Variants in PTPRG observed in about 807,000 individuals in gnomAD.
PTPRG encodes the protein receptor-type tyrosine-protein phosphatase gamma.
Under a neutral mutation model 165.3 loss-of-function variants are expected in PTPRG, and 102 were observed. The observed-to-expected ratio is 0.62, with a 90% CI of 0.53 to 0.73. The LOEUF is 0.73. Ranked by LOEUF, PTPRG falls within the 30% of genes least tolerant of loss-of-function variation. The pLI, the probability that PTPRG is intolerant of heterozygous loss-of-function variation, is 0.00. For missense variants in PTPRG, 1,866 were observed against 1,861.4 expected (o/e 1.00, Z -0.05); for synonymous variants, 675 against 669.5 (o/e 1.01, Z -0.13).
At chr3:61,912,759 A>G (rs1559684779) in intron 2 of PTPRG, among the ~76,000 whole-genome samples, 1 of 152,220 alleles carries the variant, frequency 6.6e-6, no homozygotes, top group Admixed American at 6.5e-5. Context: ...CTTGTAAAAC[A>G]TTTGAATTAT....
chr3:61,816,384 T>A (rs923104863), intron 2 of PTPRG, among the ~76,000 whole-genome samples: 1 of 151,938 alleles, frequency 6.6e-6, no homozygotes, highest in African/African-American at 2.4e-5. Flanking sequence ...ACAAAAAAAA[T>A]TGCTGGGCAT....
intron 2 of PTPRG, among the ~76,000 whole-genome samples, chr3:61,752,276 T>C (rs1053758963): frequency 1.3e-5 from 2 of 152,140 alleles, no homozygotes; most frequent in Non-Finnish European, 2.9e-5. Flanking sequence ...AACTACAAAC[T>C]GCAGCTGTGT....
chr3:61,711,893 CTT>C (rs34377397), intron 1 of PTPRG, among the ~76,000 whole-genome samples: 26 of 135,970 alleles, frequency 1.9e-4, no homozygotes, highest in Admixed American at 3.1e-4. Context: ...TTATTATAGT[CTT>C]TTTTTTTTTT....
intron 1 of PTPRG, among the ~76,000 whole-genome samples, chr3:61,710,682 T>G (rs1236573916): frequency 6.6e-6 from 1 of 152,108 alleles, no homozygotes; most frequent in African/African-American, 2.4e-5. Flanking sequence ...CAAGACACAG[T>G]CCTTCTTTTT....
rs1221953034 is a variant in PTPRG at position 61,776,664 on chromosome 3, T to C, written c.190+27682T>C. ...TGGAACATCTGGGTTCTTAATGCTC[T>C]CTGCTTGCAATTATCTGTAGCCTTA... is the stretch of plus-strand genomic sequence containing the variant. On this transcript the variant is annotated intron_variant, in intron 2 of 29. Transcript: ENST00000474889. Among the ~76,000 whole-genome samples, 3 of 151,232 alleles carry C rather than the reference T, an allele frequency of 2.0e-5. No individual in the cohort carries two copies. The East Asian group carries it at 5.8e-4, about 29-fold the overall frequency.
At chr3:61,886,684 T>C (rs1273766466) in intron 2 of PTPRG, among the ~76,000 whole-genome samples, 1 of 152,198 alleles carries the variant, frequency 6.6e-6, no homozygotes, top group Non-Finnish European at 1.5e-5. Flanking sequence ...TTGCTGGGTA[T>C]GTACCTCCTA....
In PTPRG at chr3:61,944,424, G is replaced by A. The variant is rs1421904288; in HGVS notation, c.191-45201G>A. On this transcript the variant is annotated intron_variant, in intron 2 of 29. Transcript: ENST00000474889. ...AGCAGGTGGACACCGTGCTTCCATC[G>A]TCTTCCTCATTTCCCCTAGCCCCTT... Among the ~76,000 whole-genome samples the A allele has an allele frequency of 3.9e-5, 6 of 152,234 alleles. No individual in the cohort carries two copies. In the East Asian group the frequency reaches 5.8e-4, roughly 15 times the overall value.
intron 1 of PTPRG, among the ~76,000 whole-genome samples, chr3:61,728,388 C>T (rs1032051819): frequency 9.2e-5 from 14 of 152,124 alleles, no homozygotes; most frequent in African/African-American, 3.1e-4. Flanking sequence ...TCAAGACCAG[C>T]CTGGTCAACA....
intron 1 of PTPRG, among the ~76,000 whole-genome samples, chr3:61,601,020 C>T (rs767513680): frequency 3.3e-5 from 5 of 152,112 alleles, no homozygotes; most frequent in East Asian, 1.9e-4. Flanking sequence ...TCTGGGAGGT[C>T]GAGGCGGGCA....
intron 1 of PTPRG, among the ~76,000 whole-genome samples, chr3:61,566,089 A>C (rs1699907024): frequency 6.6e-6 from 1 of 152,204 alleles, no homozygotes. Context: ...TGGACTTAAA[A>C]CACTAATAAA....
chr3:61,792,386 G>C (rs1159956150), intron 2 of PTPRG, among the ~76,000 whole-genome samples: 1 of 151,944 alleles, frequency 6.6e-6, no homozygotes, highest in East Asian at 1.9e-4. Flanking sequence ...ACCATGCCCA[G>C]CTAATATTTT....
chr3:62,282,909 T>C, intron 28 of PTPRG, 40 bp downstream of exon 28: 1 of 1,550,772 alleles, frequency 6.4e-7, no homozygotes, highest in African/African-American at 1.4e-5. Flanking sequence ...TAGACCGTTT[T>C]TTTGTTTAAT....
At chr3:61,937,325 A>T (rs1034856108) in intron 2 of PTPRG, among the ~76,000 whole-genome samples, 16 of 152,248 alleles carry the variant, frequency 1.1e-4, no homozygotes, top group African/African-American at 2.6e-4. Context: ...CCCTGGTTTC[A>T]CTGCTGTCGC....
Position 62,010,370 on chromosome 3 carries a change from T to TTGTGTGTGTGTG in PTPRG, c.519+6889_519+6900dup, listed in dbSNP as rs35894531. On this transcript the variant is annotated intron_variant, in intron 4 of 29. Transcript: ENST00000474889. The stretch of plus-strand genomic sequence containing the variant: ...TTACATGGCCTCTGTCCCTCTCTTC[T>TTGTGTGTGTGTG]TGTGTGTGTGTGTGTGTGTGTGTGT... Among the ~76,000 whole-genome samples the TTGTGTGTGTGTG allele has an allele frequency of 5.6e-3, 831 of 149,560 alleles. 3 individuals carry two copies. The highest frequency in any genetic ancestry group is 0.015 in the African/African-American group (602 of 40,498).
intron 10 of PTPRG, among the ~76,000 whole-genome samples, chr3:62,201,229 G>C (rs1700089694): frequency 6.6e-6 from 1 of 152,088 alleles, no homozygotes; most frequent in South Asian, 2.1e-4. Context: ...CAATAAAACA[G>C]AAAACAGTAA....
Position 62,254,975 on chromosome 3 carries a change from T to C in PTPRG, c.2468-149T>C, listed in dbSNP as rs1040945516. ...CCTAATGTAAAATAAATTCTGAGAC[T>C]TTTCTTCAGGACATCTATTTTGTGT... On this transcript the variant is annotated intron_variant, in intron 15 of 29. Transcript: ENST00000474889. This position sits in a 1 kb window ranked among gnomAD's most constrained non-coding sequence, Gnocchi z 4.6. The C allele has an allele frequency of 4.6e-5, 27 of 587,656 alleles. No individual in the cohort carries two copies. Among genetic ancestry groups the C allele is most frequent in the Non-Finnish European group, 6.9e-5 (24 of 347,854 alleles). 36.4% of individuals were successfully genotyped at this position (587,656 alleles called of 1,614,324 possible). A position where few individuals can be genotyped will look rare whatever the true frequency, so the allele number is the denominator to read the frequency against.
chr3:62,185,853 C>T (rs1188484650), intron 8 of PTPRG, among the ~76,000 whole-genome samples: 1 of 152,138 alleles, frequency 6.6e-6, no homozygotes, highest in Non-Finnish European at 1.5e-5. Flanking sequence ...ATTGCTAGAC[C>T]CTAGTCATCC....
At chr3:61,771,952 C>T (rs1197116627) in intron 2 of PTPRG, among the ~76,000 whole-genome samples, 2 of 149,520 alleles carry the variant, frequency 1.3e-5, no homozygotes, top group Non-Finnish European at 3.0e-5. Context: ...CCCAGCTACT[C>T]AGGAGGCTGA....
chr3:61,941,365 C>T (rs1351107079), intron 2 of PTPRG, among the ~76,000 whole-genome samples: 4 of 152,210 alleles, frequency 2.6e-5, no homozygotes, highest in African/African-American at 7.2e-5. Context: ...TGGCTCACGC[C>T]GGTAATCCCA....
Sources: gnomAD v4.1 joint callset for allele counts (sites outside exome capture counted in the v4.1 genomes callset) on GRCh38, gnomAD v4.1.1 for gene constraint, Gnocchi (gnomAD v3.1) non-coding constraint, MANE v1.5 for transcripts, NCBI Gene and HGNC (gene_info 2026-07-23, HGNC 2026-07-21) for gene names.